Variants in PDZD8 observed in about 807,000 individuals in gnomAD.
PDZD8 encodes the protein PDZ domain-containing protein 8.
A neutral mutation model predicts 85.8 loss-of-function variants in PDZD8; 14 were observed. The ratio of observed to expected loss-of-function variants is 0.16; its 90% confidence interval spans 0.11 to 0.26. The LOEUF is 0.26. PDZD8 is among the 10% of genes least tolerant of loss of function. PDZD8 has a pLI of 1.00. For synonymous variants in PDZD8, 592 were observed against 568.6 expected, an observed-to-expected ratio of 1.04 and a Z score of -0.59; for missense variants, 1,197 against 1,424.3, an observed-to-expected ratio of 0.84 and a Z score of 2.57.
At chr10:117,343,457 T>G (rs912063687) in intron 1 of PDZD8, among the ~76,000 whole-genome samples, 1 of 152,210 alleles carries the variant, frequency 6.6e-6, no homozygotes, top group Non-Finnish European at 1.5e-5. Context: ...TAACTAAATT[T>G]ATATCAATAT....
chr10:117,277,310 C>CACTTTG lies in PDZD8; in HGVS notation c.*5957_*5958insCAAAGT. 1.7e-6 allele frequency: 2 copies of CACTTTG among 1,191,678 alleles called. No individual in the cohort carries two copies. The highest frequency in any genetic ancestry group is 2.5e-6 in the Non-Finnish European group (2 of 813,424). The allele number at this position is 1,191,678 out of a possible 1,614,324, so 73.8% of individuals were successfully genotyped here. A position where few individuals can be genotyped will look rare whatever the true frequency, so the allele number is the denominator to read the frequency against. ...CATCAAAGTGTTTAATTGTATAAAACAGTGTTTCCAGTGACACAACTCATC... is the reference window on the plus strand; with the variant it reads ...CATCAAAGTGTTTAATTGTATAAAACACTTTGAGTGTTTCCAGTGACACAACTCATC... On this transcript the variant is annotated 3_prime_UTR_variant, in exon 5 of 5. Coordinates refer to ENST00000334464, the MANE Select transcript of PDZD8 (RefSeq NM_173791.5).
chr10:117,295,173 A>C (rs371458333), intron 3 of PDZD8, among the ~76,000 whole-genome samples: 1 of 152,040 alleles, frequency 6.6e-6, no homozygotes, highest in Non-Finnish European at 1.5e-5. Context: ...ACCACCACCA[A>C]CAAAACCCAA....
At chr10:117,367,367 C>T (rs552647242) in intron 1 of PDZD8, among the ~76,000 whole-genome samples, 71 of 151,564 alleles carry the variant, frequency 4.7e-4, no homozygotes, top group African/African-American at 7.7e-4. Context: ...GCCAATATAG[C>T]GCCACCGCAC....
intron 1 of PDZD8, among the ~76,000 whole-genome samples, chr10:117,342,383 C>A (rs974740415): frequency 8.0e-6 from 1 of 125,676 alleles, no homozygotes; most frequent in Admixed American, 9.3e-5. Flanking sequence ...TTACTGACCA[C>A]ACAAACAGAT....
At chr10:117,343,495 A>G (rs940927030) in intron 1 of PDZD8, among the ~76,000 whole-genome samples, 1 of 152,190 alleles carries the variant, frequency 6.6e-6, no homozygotes, top group South Asian at 2.1e-4. Context: ...CTTTTAACAC[A>G]CAGTCCTTAT....
chr10:117,323,970 G>A (rs762327581), intron 2 of PDZD8, among the ~76,000 whole-genome samples: 2 of 151,994 alleles, frequency 1.3e-5, no homozygotes, highest in Non-Finnish European at 2.9e-5. Context: ...GCTCTCGCCC[G>A]TAATCCCAGC....
At chr10:117,302,299 C>T (rs1367377064) in intron 3 of PDZD8, among the ~76,000 whole-genome samples, 2 of 152,204 alleles carry the variant, frequency 1.3e-5, no homozygotes, top group African/African-American at 4.8e-5. Flanking sequence ...GGAGATACCA[C>T]ATTTACTAGG....
At chr10:117,294,491 T>C (rs960673006) in intron 3 of PDZD8, among the ~76,000 whole-genome samples, 6 of 152,150 alleles carry the variant, frequency 3.9e-5, no homozygotes, top group Admixed American at 2.0e-4. Flanking sequence ...GATCCAATAA[T>C]CCCACTATTG....
rs149737537 is a variant in PDZD8 at position 117,347,246 on chromosome 10, C to G, written c.873-6144G>C. Among the ~76,000 whole-genome samples the G allele has an allele frequency of 1.4e-4, 21 of 152,286 alleles. No individual in the cohort carries two copies. In the East Asian group the frequency reaches 4.1e-3, roughly 29 times the overall value. ...AGTCTGATAAGAAACGTTTTACAAC[C>G]TATTCTCTCTGAAGCCTACTACCTG... On this transcript the variant is annotated intron_variant, in intron 1 of 4. Coordinates refer to ENST00000334464, the MANE Select transcript of PDZD8 (RefSeq NM_173791.5).
At chr10:117,314,468 A>G (rs1262877406) in intron 3 of PDZD8, among the ~76,000 whole-genome samples, 4 of 152,200 alleles carry the variant, frequency 2.6e-5, no homozygotes, top group Non-Finnish European at 4.4e-5. Flanking sequence ...TAACACTCAG[A>G]AAGAATATAC....
At chr10:117,301,040 G>A (rs1843838606) in intron 3 of PDZD8, among the ~76,000 whole-genome samples, 1 of 152,120 alleles carries the variant, frequency 6.6e-6, no homozygotes, top group African/African-American at 2.4e-5. Context: ...CTAGGCTAGA[G>A]TGCAGTGGCA....
In PDZD8 at chr10:117,375,328, T is replaced by C; in HGVS notation, c.-101A>G. The stretch of plus-strand genomic sequence containing the variant: ...CTCCATTTTGAGGACATCGGGCGGC[T>C]GGGTCGGGGCGAGCGGCTCCGTGGG... On this transcript the variant is annotated 5_prime_UTR_variant, in exon 1 of 5. Coordinates refer to ENST00000334464, the MANE Select transcript of PDZD8 (RefSeq NM_173791.5). 8.6e-7 allele frequency: 1 copy of C among 1,161,506 alleles called. No homozygotes were observed. Among genetic ancestry groups the C allele is most frequent in the Non-Finnish European group, 1.1e-6 (1 of 874,640 alleles). The allele number at this position is 1,161,506 out of a possible 1,614,324, so 71.9% of individuals were successfully genotyped here.
chr10:117,294,686 C>T (rs1843726446), intron 3 of PDZD8, among the ~76,000 whole-genome samples: 2 of 152,006 alleles, frequency 1.3e-5, no homozygotes, highest in African/African-American at 4.8e-5. Flanking sequence ...AAAAACAAAA[C>T]CCCAGAGAAA....
In PDZD8 at chr10:117,294,934, C is replaced by A. The variant is rs572702282; in HGVS notation, c.1099-4586G>T. Among the ~76,000 whole-genome samples, 18 of 152,180 alleles carry A rather than the reference C, an allele frequency of 1.2e-4. 1 individual carries two copies. The South Asian group carries it at 3.3e-3, about 28-fold the overall frequency. ...AGGTATAAGTTCTGATGTTCTATTG[C>A]ACAATAGGGTAACTATAGTTAATAA... is the stretch of plus-strand genomic sequence containing the variant. On this transcript the variant is annotated intron_variant, in intron 3 of 4. Coordinates refer to ENST00000334464, the MANE Select transcript of PDZD8 (RefSeq NM_173791.5).
chr10:117,303,058 C>T (rs1843874171), intron 3 of PDZD8, among the ~76,000 whole-genome samples: 2 of 152,208 alleles, frequency 1.3e-5, no homozygotes, highest in Admixed American at 6.5e-5. Context: ...AATGTGGAAG[C>T]GACTTTGGAA....
intron 2 of PDZD8, among the ~76,000 whole-genome samples, chr10:117,325,201 C>T (rs865807897): frequency 4.6e-5 from 7 of 151,642 alleles, no homozygotes; most frequent in Admixed American, 6.6e-5. Flanking sequence ...GGTCTTATAG[C>T]GGGGTGAAAA....
intron 1 of PDZD8, among the ~76,000 whole-genome samples, chr10:117,349,855 G>T (rs1286931573): frequency 5.9e-5 from 9 of 152,016 alleles, no homozygotes. Flanking sequence ...TTCAGTGAAT[G>T]AATGGAAAAT....
chr10:117,349,018 C>T (rs1192205026), intron 1 of PDZD8, among the ~76,000 whole-genome samples: 1 of 152,100 alleles, frequency 6.6e-6, no homozygotes, highest in African/African-American at 2.4e-5. Flanking sequence ...TTCACACAGT[C>T]CAGGGAGAAC....
chr10:117,372,091 C>A (rs1845203834), intron 1 of PDZD8, among the ~76,000 whole-genome samples: 1 of 152,184 alleles, frequency 6.6e-6, no homozygotes, highest in African/African-American at 2.4e-5. Flanking sequence ...AGCAGGTGTA[C>A]AATAAACATT....
Sources: allele counts gnomAD v4.1 joint callset (sites outside exome capture counted in the v4.1 genomes callset), GRCh38; gene constraint gnomAD v4.1.1; transcripts MANE v1.5; gene names NCBI Gene and HGNC (gene_info 2026-07-23, HGNC 2026-07-21).